Variants in SAMD5 observed in about 807,000 individuals in gnomAD.
SAMD5 encodes sterile alpha motif domain-containing protein 5.
A neutral mutation model predicts 11.3 loss-of-function variants in SAMD5; 13 were observed. The ratio of observed to expected loss-of-function variants is 1.15; its 90% confidence interval spans 0.75 to 1.83. The LOEUF (loss-of-function observed/expected upper bound fraction) is 1.83, where lower values mean the gene tolerates loss of function less well. Ranked by LOEUF, SAMD5 falls within the 40% of genes most tolerant of loss-of-function variation. The pLI, the probability that SAMD5 is intolerant of heterozygous loss-of-function variation, is 0.00. For synonymous variants in SAMD5, 129 were observed against 111.3 expected, an observed-to-expected ratio of 1.16 and a Z score of -1.00; for missense variants, 255 against 239.1, an observed-to-expected ratio of 1.07 and a Z score of -0.44.
intron 1 of SAMD5, among the ~76,000 whole-genome samples, chr6:147,666,423 C>CAGT (rs1790721907): frequency 6.6e-6 from 1 of 152,162 alleles, no homozygotes; most frequent in African/African-American, 2.4e-5. Flanking sequence ...TGCGTGAGAA[C>CAGT]AGTGTGCGTC....
chr6:147,637,065 T>C (rs1326806864), intron 1 of SAMD5, among the ~76,000 whole-genome samples: 1 of 152,196 alleles, frequency 6.6e-6, no homozygotes, highest in East Asian at 1.9e-4. Flanking sequence ...GGCTGAGGTC[T>C]GGGTGCTGGA....
At chr6:147,513,709 T>C (rs188198938) in intron 1 of SAMD5, among the ~76,000 whole-genome samples, 6 of 151,692 alleles carry the variant, frequency 4.0e-5, no homozygotes, top group Admixed American at 2.6e-4. Context: ...AGCTCTAGGG[T>C]CAATAGTGTG....
At chr6:147,927,023 G>A in the SAMD5 span, among the ~76,000 whole-genome samples, 1 of 152,082 alleles carries the variant, frequency 6.6e-6, no homozygotes, top group African/African-American at 2.4e-5. Context: ...CATGGTCTAT[G>A]TGTCTGTTTT....
chr6:147,551,045 G>A (rs702327), intron 1 of SAMD5, among the ~76,000 whole-genome samples: 91,610 of 152,060 alleles, frequency 0.6, 28,836 homozygotes, highest in East Asian at 0.92. Flanking sequence ...AAATGTGGAA[G>A]CACAGTAGAG....
intron 1 of SAMD5, among the ~76,000 whole-genome samples, chr6:147,696,768 G>A (rs1583143380): frequency 1.3e-5 from 2 of 152,106 alleles, no homozygotes; most frequent in Non-Finnish European, 1.5e-5. Flanking sequence ...AATGTGGACT[G>A]GATTCTATGA....
chr6:147,890,413 C>A, the SAMD5 span, among the ~76,000 whole-genome samples: 1 of 149,126 alleles, frequency 6.7e-6, no homozygotes, highest in African/African-American at 2.5e-5. Flanking sequence ...GCTTGGAGTG[C>A]AGTGGCATGA....
chr6:147,775,481 A>C, the SAMD5 span, among the ~76,000 whole-genome samples: 17 of 152,182 alleles, frequency 1.1e-4, no homozygotes, highest in Admixed American at 9.8e-4. Flanking sequence ...ACACATCACT[A>C]TTCTTTTCTC....
intron 1 of SAMD5, among the ~76,000 whole-genome samples, chr6:147,557,127 G>A (rs1788869717): frequency 6.6e-6 from 1 of 151,982 alleles, no homozygotes; most frequent in African/African-American, 2.4e-5. Context: ...TTTAAAGTTT[G>A]CATCATTTAT....
At chr6:147,863,053 A>G in the SAMD5 span, among the ~76,000 whole-genome samples, 1 of 152,176 alleles carries the variant, frequency 6.6e-6, no homozygotes, top group South Asian at 2.1e-4. Context: ...AGGTTCCAAC[A>G]TATTTTTAAA....
At chr6:147,581,888 G>A (rs946716495) in intron 1 of SAMD5, among the ~76,000 whole-genome samples, 1 of 152,126 alleles carries the variant, frequency 6.6e-6, no homozygotes, top group African/African-American at 2.4e-5. Context: ...AAGTAGATTA[G>A]AGTATGTTTA....
chr6:147,936,573 C>A, the SAMD5 span, among the ~76,000 whole-genome samples: 1 of 152,090 alleles, frequency 6.6e-6, no homozygotes, highest in Admixed American at 6.6e-5. Flanking sequence ...GTGATCCAAT[C>A]GCCTCCCACC....
At chr6:147,908,903 G>A in the SAMD5 span, among the ~76,000 whole-genome samples, 1 of 151,268 alleles carries the variant, frequency 6.6e-6, no homozygotes, top group Non-Finnish European at 1.5e-5. Context: ...CCTGAGATAG[G>A]CATCCATCTA....
chr6:147,566,642 CT>C lies in SAMD5; in HGVS notation c.*2187del. 1 of 980,860 alleles carries C rather than the reference CT, an allele frequency of 1.0e-6. No individual in the cohort carries two copies. The highest frequency in any genetic ancestry group is 1.2e-6 in the Non-Finnish European group (1 of 825,510). The allele number at this position is 980,860 out of a possible 1,614,324, so 60.8% of individuals were successfully genotyped here. ...TTATTTTGCCAGGTTTAAACCTTCT[CT>C]CTGTGTCTGTGGTTAGAATTTGAAA... On this transcript the variant is annotated 3_prime_UTR_variant, in exon 2 of 2. Coordinates refer to ENST00000367474, the MANE Select transcript of SAMD5 (RefSeq NM_001030060.3).
intron 1 of SAMD5, among the ~76,000 whole-genome samples, chr6:147,634,171 C>T (rs190492144): frequency 6.6e-6 from 1 of 152,266 alleles, no homozygotes; most frequent in Admixed American, 6.5e-5. Flanking sequence ...AAAGAACTAC[C>T]TGAGACTGGG....
At chr6:147,585,413 C>A (rs1789360118) in intron 1 of SAMD5, among the ~76,000 whole-genome samples, 1 of 152,096 alleles carries the variant, frequency 6.6e-6, no homozygotes, top group South Asian at 2.1e-4. Context: ...ACTGATCTCA[C>A]CAAACAGAGT....
intron 1 of SAMD5, among the ~76,000 whole-genome samples, chr6:147,593,090 A>G (rs1386227871): frequency 6.6e-6 from 1 of 152,098 alleles, no homozygotes; most frequent in African/African-American, 2.4e-5. Context: ...GGTAGAGGGA[A>G]GCGGCTTTAT....
In SAMD5 at chr6:147,569,290, AT is replaced by A. The variant is rs1789097939; in HGVS notation, c.*4840del. ...AACTTTTCTACTTATGAAATAGATA[AT>A]TTTTTAAAATTGTTTAAACTCCTGG... On this transcript the variant is annotated 3_prime_UTR_variant, in exon 2 of 2. Transcript: ENST00000367474. 4.7e-6 allele frequency: 2 copies of A among 426,642 alleles called. No individual in the cohort carries two copies. The highest frequency in any genetic ancestry group is 2.1e-5 in the African/African-American group (1 of 46,662). The allele number at this position is 426,642 out of a possible 1,614,324, so 26.4% of individuals were successfully genotyped here.
chr6:147,851,648 A>G, the SAMD5 span, among the ~76,000 whole-genome samples: 1 of 152,020 alleles, frequency 6.6e-6, no homozygotes, highest in Admixed American at 6.5e-5. Flanking sequence ...ATTATTTCCC[A>G]TCTGTTCTTG....
At chr6:147,559,951 T>C (rs1486886184) in intron 1 of SAMD5, among the ~76,000 whole-genome samples, 1 of 152,200 alleles carries the variant, frequency 6.6e-6, no homozygotes, top group African/African-American at 2.4e-5. Flanking sequence ...GAAAGATGAT[T>C]GTTAAGACAC....
Sources: allele counts gnomAD v4.1 joint callset (sites outside exome capture counted in the v4.1 genomes callset), GRCh38; gene constraint gnomAD v4.1.1; transcripts MANE v1.5; gene names NCBI Gene and HGNC (gene_info 2026-07-23, HGNC 2026-07-21).